The following KLHL2 variants were observed in gnomAD, a reference collection of about 807,000 sequenced individuals.
KLHL2 encodes the protein kelch like family member 2, also known as kelch-like protein 2.
Under a neutral mutation model 75.8 loss-of-function variants are expected in KLHL2, and 15 were observed. The ratio of observed to expected loss-of-function variants is 0.20; its 90% CI spans 0.13 to 0.30. The LOEUF (loss-of-function observed/expected upper bound fraction) is 0.30. Among genes scored for constraint, KLHL2 ranks in the 10% least tolerant of loss-of-function variants. The pLI, the probability that KLHL2 is intolerant of heterozygous loss-of-function variation, is 1.00. For missense variants in KLHL2, 381 were observed against 741.0 expected, an observed-to-expected ratio of 0.51 and a Z score of 5.64; for synonymous variants, 214 against 251.9, an observed-to-expected ratio of 0.85 and a Z score of 1.42.
chr4:165,294,510 C>CTT (rs374375227), intron 6 of KLHL2, 42 bp downstream of exon 6: 449 of 836,262 alleles, frequency 5.4e-4, no homozygotes, highest in South Asian at 9.4e-4. Context: ...TGATGTTTCC[C>CTT]TTTTTTTTTT....
intron 4 of KLHL2, among the ~76,000 whole-genome samples, chr4:165,262,262 A>T (rs149122044): frequency 0.034 from 5,150 of 152,330 alleles, 130 homozygotes; most frequent in Non-Finnish European, 0.051. Flanking sequence ...TTAAAAAGTT[A>T]TTAGATAATC....
intron 7 of KLHL2, among the ~76,000 whole-genome samples, chr4:165,298,804 G>T (rs1745112882): frequency 6.6e-6 from 1 of 152,068 alleles, no homozygotes; most frequent in African/African-American, 2.4e-5. Flanking sequence ...AGACATGGTG[G>T]CAGGTGCCTG....
At chr4:165,241,256 T>C (rs894325114) in intron 4 of KLHL2, among the ~76,000 whole-genome samples, 2 of 152,182 alleles carry the variant, frequency 1.3e-5, no homozygotes, top group African/African-American at 4.8e-5. Flanking sequence ...AGTAGCTACT[T>C]TTTCCATAAC....
At chr4:165,227,421 A>G (rs1738523281) in intron 2 of KLHL2, among the ~76,000 whole-genome samples, 1 of 152,220 alleles carries the variant, frequency 6.6e-6, no homozygotes, top group Non-Finnish European at 1.5e-5. Flanking sequence ...TGCAAGCAGT[A>G]TGGACAGGTG....
chr4:165,219,889 T>G lies in KLHL2; in HGVS notation c.27-45T>G. ...CTTGATAAGCTGAACTAAATGATCT[T>G]TAATAAGATCTTTTTCTGTTTTTGT... On this transcript the variant is annotated intron_variant, in intron 1 of 14. Coordinates refer to ENST00000226725, the MANE Select transcript of KLHL2 (RefSeq NM_007246.4). 5 of 1,559,460 alleles carry G rather than the reference T, an allele frequency of 3.2e-6. No individual in the cohort carries two copies. In the South Asian group the frequency reaches 6.1e-5, roughly 19 times the overall value.
At chr4:165,283,511 A>G (rs1743851451) in intron 5 of KLHL2, among the ~76,000 whole-genome samples, 1 of 152,246 alleles carries the variant, frequency 6.6e-6, no homozygotes, top group African/African-American at 2.4e-5. Flanking sequence ...AAGCTCCAGA[A>G]TGATCTCCTT....
At chr4:165,239,686 TA>T (rs1369028835) in intron 4 of KLHL2, among the ~76,000 whole-genome samples, 1 of 152,232 alleles carries the variant, frequency 6.6e-6, no homozygotes, top group Admixed American at 6.5e-5. Context: ...CATAAATGTT[TA>T]AATAATACAG....
At chr4:165,298,047 T>G (rs1745051684) in intron 7 of KLHL2, among the ~76,000 whole-genome samples, 2 of 152,200 alleles carry the variant, frequency 1.3e-5, no homozygotes. Flanking sequence ...GGTCTCGAAC[T>G]CCTGACCTCA....
At chr4:165,213,338 G>C (rs1327600104) in intron 1 of KLHL2, among the ~76,000 whole-genome samples, 1 of 152,152 alleles carries the variant, frequency 6.6e-6, no homozygotes, top group Non-Finnish European at 1.5e-5. Context: ...ATCAAAACCA[G>C]AGACTCAGGC....
At chr4:165,224,786 A>G (rs983591018) in intron 2 of KLHL2, among the ~76,000 whole-genome samples, 1 of 152,236 alleles carries the variant, frequency 6.6e-6, no homozygotes, top group African/African-American at 2.4e-5. Context: ...TATAATGTAT[A>G]ATAATCACAT....
rs1313938322 is a variant in KLHL2 at position 165,207,687 on chromosome 4, C to T, written c.-190C>T. 5 of 190,128 alleles carry T rather than the reference C, an allele frequency of 2.6e-5. No homozygotes were observed. The highest frequency in any genetic ancestry group is 4.0e-5 in the Non-Finnish European group (4 of 99,126). 11.8% of individuals were successfully genotyped at this position (190,128 alleles called of 1,614,324 possible). On this transcript the variant is annotated 5_prime_UTR_variant, in exon 1 of 15. Coordinates refer to ENST00000226725, the MANE Select transcript of KLHL2 (RefSeq NM_007246.4). The surrounding 1 kb of genome is among the most constrained non-coding windows in gnomAD (Gnocchi z 4.2). ...CGGGAGCCGCGCAGTAGACGGAGCG[C>T]GCCCGGCCGAGCGGGCCATGGCCGC... is the stretch of plus-strand genomic sequence containing the variant.
At chr4:165,250,602 A>G (rs1052344215) in intron 4 of KLHL2, among the ~76,000 whole-genome samples, 3 of 152,244 alleles carry the variant, frequency 2.0e-5, no homozygotes, top group African/African-American at 7.2e-5. Flanking sequence ...TTTCTCAGCT[A>G]TTAAATGAGG....
intron 14 of KLHL2, 67 bp downstream of exon 14, chr4:165,318,036 G>T: frequency 6.9e-7 from 1 of 1,442,186 alleles, no homozygotes; most frequent in Non-Finnish European, 9.6e-7. Context: ...TTATATTAAC[G>T]AAGTTTTTCT....
intron 8 of KLHL2, among the ~76,000 whole-genome samples, chr4:165,300,012 GGTGCT>G (rs1339669342): frequency 6.6e-6 from 1 of 152,036 alleles, no homozygotes; most frequent in Admixed American, 6.6e-5. Context: ...GTAGGCCTGG[GGTGCT>G]GTGATTCATG....
In KLHL2 at chr4:165,244,687, A is replaced by G. The variant is rs1391199693; in HGVS notation, c.381+5788A>G. Among the ~76,000 whole-genome samples, 23 of 152,300 alleles carry G rather than the reference A, an allele frequency of 1.5e-4. No homozygotes were observed. In the South Asian group the frequency reaches 4.8e-3, roughly 32 times the overall value. On this transcript the variant is annotated intron_variant, in intron 4 of 14. Coordinates refer to ENST00000226725, the MANE Select transcript of KLHL2 (RefSeq NM_007246.4). ...GAACAGGGAACAAAGCGTAATGAATAGAGTATATACTTAGACTGGGTTTGG... is the reference window on the plus strand; with the variant it reads ...GAACAGGGAACAAAGCGTAATGAATGGAGTATATACTTAGACTGGGTTTGG...
chr4:165,233,105 T>C (rs1046478135), intron 3 of KLHL2, among the ~76,000 whole-genome samples: 1 of 152,116 alleles, frequency 6.6e-6, no homozygotes, highest in Non-Finnish European at 1.5e-5. Context: ...AAACTGTAGG[T>C]GAAGTTTTCA....
chr4:165,289,940 C>A (rs551073751), intron 5 of KLHL2, among the ~76,000 whole-genome samples: 1 of 152,076 alleles, frequency 6.6e-6, no homozygotes, highest in Non-Finnish European at 1.5e-5. Flanking sequence ...GAAACTTAAC[C>A]CAAAATCACT....
intron 1 of KLHL2, among the ~76,000 whole-genome samples, chr4:165,212,450 C>G (rs1737253278): frequency 6.6e-6 from 1 of 152,128 alleles, no homozygotes; most frequent in Non-Finnish European, 1.5e-5. Context: ...GGGTCCGTAA[C>G]TTTTTGTGTG....
chr4:165,322,255 C>T lies in KLHL2; in HGVS notation c.*195C>T. ...AGAAGCACCGTGTAGGCTTTTTCTG[C>T]AATGAGCAGCAGCTGACTGAATTTT... On this transcript the variant is annotated 3_prime_UTR_variant, in exon 15 of 15. Coordinates refer to ENST00000226725, the MANE Select transcript of KLHL2 (RefSeq NM_007246.4). 1.8e-6 allele frequency: 1 copy of T among 564,932 alleles called. No individual in the cohort carries two copies. Among genetic ancestry groups the T allele is most frequent in the Non-Finnish European group, 3.1e-6 (1 of 318,596 alleles). 35.0% of individuals were successfully genotyped at this position (564,932 alleles called of 1,614,324 possible).
Sources: allele counts gnomAD v4.1 joint callset (sites outside exome capture counted in the v4.1 genomes callset), GRCh38; gene constraint gnomAD v4.1.1; non-coding constraint Gnocchi (gnomAD v3.1); transcripts MANE v1.5; gene names NCBI Gene and HGNC (gene_info 2026-07-23, HGNC 2026-07-21).